Variants in NEGR1 observed in about 807,000 individuals in gnomAD.
The protein encoded by NEGR1 is neuronal growth regulator 1.
In NEGR1, 10 loss-of-function variants were observed where a neutral mutation model predicts 40.9. That is an observed-to-expected ratio of 0.24 (90% CI 0.15 to 0.42). NEGR1 has a LOEUF of 0.42. Ranked by LOEUF, NEGR1 falls within the 10% of genes least tolerant of loss-of-function variation. The probability of loss-of-function intolerance (pLI) is 1.00; values close to 1 mark genes in which losing one functional copy is unlikely to be tolerated. For missense variants in NEGR1, 352 were observed against 438.9 expected, an observed-to-expected ratio of 0.80 and a Z score of 1.77; for synonymous variants, 185 against 166.8, an observed-to-expected ratio of 1.11 and a Z score of -0.84.
intron 1 of NEGR1, among the ~76,000 whole-genome samples, chr1:72,106,356 T>C (rs1649132999): frequency 6.6e-6 from 1 of 152,036 alleles, no homozygotes; most frequent in Admixed American, 6.6e-5. Flanking sequence ...GAAAAAGCAG[T>C]GACCCAGGGA....
chr1:71,509,447 G>A (rs536669541), intron 6 of NEGR1, among the ~76,000 whole-genome samples: 32 of 152,208 alleles, frequency 2.1e-4, no homozygotes, highest in Non-Finnish European at 4.4e-4. Context: ...ACATGCCACT[G>A]GTGAGTCAGG....
intron 2 of NEGR1, among the ~76,000 whole-genome samples, chr1:71,808,127 A>C (rs1657847888): frequency 6.6e-6 from 1 of 152,174 alleles, no homozygotes; most frequent in Admixed American, 6.6e-5. Context: ...AAAAAGCAAA[A>C]CATGCCAGTA....
At chr1:72,204,488 C>T (rs978312577) in intron 1 of NEGR1, among the ~76,000 whole-genome samples, 1 of 152,220 alleles carries the variant, frequency 6.6e-6, no homozygotes, top group East Asian at 1.9e-4. Context: ...TTTCTCAGTT[C>T]CCCAAGCAGT....
At chr1:71,898,411 C>G (rs924851883) in intron 2 of NEGR1, among the ~76,000 whole-genome samples, 1 of 152,048 alleles carries the variant, frequency 6.6e-6, no homozygotes, top group Non-Finnish European at 1.5e-5. Flanking sequence ...GTCAGGAGAT[C>G]GAGACTATCC....
intron 4 of NEGR1, among the ~76,000 whole-genome samples, chr1:71,696,347 G>T (rs899006328): frequency 2.0e-5 from 3 of 151,682 alleles, no homozygotes. Context: ...TGGAGTATAG[G>T]TCCCATGCAA....
chr1:71,733,241 T>C (rs767064785), intron 3 of NEGR1, among the ~76,000 whole-genome samples: 3 of 152,178 alleles, frequency 2.0e-5, no homozygotes, highest in Non-Finnish European at 4.4e-5. Flanking sequence ...TCTGCTGCTC[T>C]TTGGAGAAAG....
chr1:71,621,011 T>A (rs1242339990), intron 4 of NEGR1, among the ~76,000 whole-genome samples: 2 of 151,940 alleles, frequency 1.3e-5, no homozygotes, highest in Non-Finnish European at 2.9e-5. Context: ...GAGTTAGTTG[T>A]CAATAAAAAC....
chr1:71,531,709 G>T (rs1647360103), intron 6 of NEGR1, among the ~76,000 whole-genome samples: 1 of 151,248 alleles, frequency 6.6e-6, no homozygotes, highest in South Asian at 2.1e-4. Flanking sequence ...ACTATAAAAT[G>T]ATTTTAAATA....
At chr1:71,609,142 T>G (rs1338721522) in intron 5 of NEGR1, among the ~76,000 whole-genome samples, 1 of 151,914 alleles carries the variant, frequency 6.6e-6, no homozygotes, top group Non-Finnish European at 1.5e-5. Context: ...TAAAAAGAAT[T>G]TAAAAATTTA....
At chr1:72,218,308 G>A (rs1037546453) in intron 1 of NEGR1, among the ~76,000 whole-genome samples, 2 of 151,706 alleles carry the variant, frequency 1.3e-5, no homozygotes, top group African/African-American at 2.4e-5. Context: ...AAGTTCCAAC[G>A]AGGATTTTAT....
chr1:72,008,699 G>T (rs142392500), intron 1 of NEGR1, among the ~76,000 whole-genome samples: 45 of 152,120 alleles, frequency 3.0e-4, no homozygotes, highest in African/African-American at 1.0e-3. Flanking sequence ...ACAACACCTT[G>T]AATAGTCCCA....
At chr1:72,043,767 G>A (rs554525218) in intron 1 of NEGR1, among the ~76,000 whole-genome samples, 174 of 151,856 alleles carry the variant, frequency 1.1e-3, no homozygotes, top group Non-Finnish European at 1.6e-3. Flanking sequence ...TATTGAATTC[G>A]CGGGGAAAAG....
intron 3 of NEGR1, among the ~76,000 whole-genome samples, chr1:71,762,117 T>C (rs1048818969): frequency 5.3e-5 from 8 of 152,092 alleles, no homozygotes; most frequent in African/African-American, 1.9e-4. Context: ...CTATGATAAG[T>C]AATGTGTTTG....
chr1:71,789,347 C>CA (rs1356299572), intron 2 of NEGR1, among the ~76,000 whole-genome samples: 1 of 152,102 alleles, frequency 6.6e-6, no homozygotes, highest in East Asian at 1.9e-4. Context: ...AATTAGTACA[C>CA]AGTAAGTGCT....
intron 6 of NEGR1, among the ~76,000 whole-genome samples, chr1:71,535,249 T>C (rs1647478493): frequency 6.6e-6 from 1 of 151,704 alleles, no homozygotes; most frequent in Non-Finnish European, 1.5e-5. Context: ...ATCTTCAATT[T>C]CCTCGACTGT....
At chr1:71,411,677 C>A (rs1251105094) in intron 6 of NEGR1, among the ~76,000 whole-genome samples, 2 of 152,038 alleles carry the variant, frequency 1.3e-5, no homozygotes, top group Non-Finnish European at 2.9e-5. Flanking sequence ...ACTCAGTAGA[C>A]AATAGATTGT....
intron 1 of NEGR1, among the ~76,000 whole-genome samples, chr1:72,077,547 C>T (rs568236877): frequency 2.0e-4 from 30 of 151,770 alleles, no homozygotes; most frequent in Non-Finnish European, 3.1e-4. Flanking sequence ...CCCAGCACTT[C>T]GGGAGGCTGA....
chr1:71,448,139 G>A (rs541961932), intron 6 of NEGR1, among the ~76,000 whole-genome samples: 5 of 151,774 alleles, frequency 3.3e-5, no homozygotes, highest in African/African-American at 9.7e-5. Context: ...AAATTTTAGC[G>A]TTTGGCACCT....
intron 2 of NEGR1, among the ~76,000 whole-genome samples, chr1:71,847,498 C>T (rs549091669): frequency 8.5e-5 from 13 of 152,172 alleles, no homozygotes; most frequent in Middle Eastern, 3.4e-3. Flanking sequence ...AATTATTATA[C>T]GTGTTTTAGT....
Sources: allele counts gnomAD v4.1 joint callset (sites outside exome capture counted in the v4.1 genomes callset), GRCh38; gene constraint gnomAD v4.1.1; transcripts MANE v1.5; gene names NCBI Gene and HGNC (gene_info 2026-07-23, HGNC 2026-07-21).